CRMP1: variants seen among roughly 807,000 people sequenced by gnomAD.
CRMP1 encodes dihydropyrimidinase-related protein 1.
Under a neutral mutation model 68.3 loss-of-function variants are expected in CRMP1, and 19 were observed. The observed-to-expected ratio is 0.28, with a 90% CI of 0.19 to 0.41. The LOEUF (loss-of-function observed/expected upper bound fraction) is 0.41. CRMP1 is among the 10% of genes least tolerant of loss of function. The probability of loss-of-function intolerance (pLI) is 1.00; values close to 1 mark genes in which losing one functional copy is unlikely to be tolerated. For missense variants in CRMP1, 791 were observed against 967.4 expected (o/e 0.82, Z 2.42); for synonymous variants, 439 against 399.6 (o/e 1.10, Z -1.18).
intron 12 of CRMP1, chr4:5,828,101 G>A: frequency 1.0e-6 from 1 of 985,460 alleles, no homozygotes; most frequent in Non-Finnish European, 1.2e-6. Context: ...GGGTTTCTGA[G>A]CCGTGACTCT....
intron 1 of CRMP1, among the ~76,000 whole-genome samples, chr4:5,884,301 C>G (rs370942871): frequency 6.6e-6 from 1 of 152,144 alleles, no homozygotes; most frequent in Non-Finnish European, 1.5e-5. Flanking sequence ...TGCATACTTG[C>G]AAATTAGAGC....
intron 4 of CRMP1, among the ~76,000 whole-genome samples, chr4:5,851,857 A>G (rs375316806): frequency 0.025 from 3,712 of 146,860 alleles, 51 homozygotes; most frequent in South Asian, 0.039. Flanking sequence ...GAGGAGGAAG[A>G]GGAGCAGGAG....
intron 1 of CRMP1, among the ~76,000 whole-genome samples, chr4:5,875,250 A>G (rs1404001368): frequency 6.6e-6 from 1 of 152,170 alleles, no homozygotes; most frequent in Non-Finnish European, 1.5e-5. Flanking sequence ...ATGACAGTGA[A>G]TGTTCTGCAT....
chr4:5,885,613 C>A (rs1048658525), intron 1 of CRMP1, among the ~76,000 whole-genome samples: 1 of 152,190 alleles, frequency 6.6e-6, no homozygotes, highest in African/African-American at 2.4e-5. Context: ...CCCATGGGCT[C>A]CACAAAGAAC....
At chr4:5,823,266 T>C (rs1438947939) in intron 13 of CRMP1, among the ~76,000 whole-genome samples, 1 of 152,310 alleles carries the variant, frequency 6.6e-6, no homozygotes, top group East Asian at 1.9e-4. Flanking sequence ...CCACTAAGAA[T>C]TTGGTTCACA....
intron 11 of CRMP1, among the ~76,000 whole-genome samples, chr4:5,835,691 G>A (rs1720681741): frequency 6.6e-6 from 1 of 152,212 alleles, no homozygotes; most frequent in African/African-American, 2.4e-5. Context: ...AGAGAGAGGA[G>A]AGGAAGAGAG....
intron 10 of CRMP1, 21 bp from the exon 11 acceptor site, chr4:5,836,106 T>G (rs1185613297): frequency 6.9e-7 from 1 of 1,451,444 alleles, no homozygotes; most frequent in Non-Finnish European, 9.1e-7. Flanking sequence ...GACCCACAGA[T>G]GAGAAGAGCA....
At chr4:5,827,387 A>G (rs1719803415) in intron 12 of CRMP1, among the ~76,000 whole-genome samples, 1 of 152,076 alleles carries the variant, frequency 6.6e-6, no homozygotes, top group Admixed American at 6.5e-5. Context: ...TCCAGTGCAA[A>G]GCATCTGTGC....
chr4:5,888,205 C>T lies in CRMP1; in HGVS notation c.381+4384G>A, dbSNP rs766772679. 6.4e-6 allele frequency: 8 copies of T among 1,258,090 alleles called. No individual in the cohort carries two copies. In the East Asian group the frequency reaches 2.5e-4, roughly 39 times the overall value. 77.9% of individuals were successfully genotyped at this position (1,258,090 alleles called of 1,614,324 possible). ...CCAGCCCACAAAGGCCAGCGCGGGG[C>T]GGCGGGGGCGGGGGCCGCTTACCGT... On this transcript the variant is annotated intron_variant, in intron 1 of 13. Transcript: ENST00000324989. This position sits in a 1 kb window ranked among gnomAD's most constrained non-coding sequence, Gnocchi z 6.4.
chr4:5,833,827 G>C (rs771891226), intron 11 of CRMP1, among the ~76,000 whole-genome samples: 2 of 152,074 alleles, frequency 1.3e-5, no homozygotes, highest in African/African-American at 4.8e-5. Context: ...GGCGGATCAC[G>C]AGGTCAGGAG....
chr4:5,823,247 C>CTAT (rs1246203427), intron 13 of CRMP1, among the ~76,000 whole-genome samples: 1 of 152,204 alleles, frequency 6.6e-6, no homozygotes, highest in Non-Finnish European at 1.5e-5. Context: ...CATGATTTGT[C>CTAT]TATGTAAGCC....
Position 5,841,033 on chromosome 4 carries a change from T to C in CRMP1, c.1153+275A>G, listed in dbSNP as rs527844022. Among the ~76,000 whole-genome samples, 7 of 152,326 alleles carry C rather than the reference T, an allele frequency of 4.6e-5. No homozygotes were observed. The highest frequency in any genetic ancestry group is 3.9e-4 in the East Asian group (2 of 5,186). ...ATGCAAAATATTAATGATTTTTACATTGATGACATGCTGAATTAATATGTG... is the reference window on the plus strand; with the variant it reads ...ATGCAAAATATTAATGATTTTTACACTGATGACATGCTGAATTAATATGTG... On this transcript the variant is annotated intron_variant, in intron 8 of 13. Coordinates refer to ENST00000324989, the MANE Select transcript of CRMP1 (RefSeq NM_001014809.3). This position sits in a 1 kb window ranked among gnomAD's most constrained non-coding sequence, Gnocchi z 6.9.
chr4:5,888,279 C>T lies in CRMP1; in HGVS notation c.381+4310G>A. On this transcript the variant is annotated intron_variant, in intron 1 of 13. Transcript: ENST00000324989. The surrounding 1 kb of genome is among the most constrained non-coding windows in gnomAD (Gnocchi z 6.4). Reference sequence around the variant, plus strand: ...CCTGGTACGACATGGCCCCCTCTGGCGCCCTCGGCCCGGCCGCTGACCTGC... The same window carrying T: ...CCTGGTACGACATGGCCCCCTCTGGTGCCCTCGGCCCGGCCGCTGACCTGC... 1 of 1,271,338 alleles carries T rather than the reference C, an allele frequency of 7.9e-7. No individual in the cohort carries two copies. The highest frequency in any genetic ancestry group is 1.0e-6 in the Non-Finnish European group (1 of 1,002,022). 78.8% of individuals were successfully genotyped at this position (1,271,338 alleles called of 1,614,324 possible). A position where few individuals can be genotyped will look rare whatever the true frequency, so the allele number is the denominator to read the frequency against.
chr4:5,862,319 C>T (rs557053409), intron 2 of CRMP1, among the ~76,000 whole-genome samples: 62 of 147,906 alleles, frequency 4.2e-4, no homozygotes, highest in African/African-American at 1.6e-3. Context: ...ATCCCTTACC[C>T]CCAGAATGTC....
rs975528448 is a variant in CRMP1 at position 5,879,644 on chromosome 4, A to G, written c.382-12888T>C. Among the ~76,000 whole-genome samples the G allele has an allele frequency of 2.6e-5, 4 of 152,218 alleles. No individual in the cohort carries two copies. The highest frequency in any genetic ancestry group is 7.2e-5 in the African/African-American group (3 of 41,460). On this transcript the variant is annotated intron_variant, in intron 1 of 13. Coordinates refer to ENST00000324989, the MANE Select transcript of CRMP1 (RefSeq NM_001014809.3). The surrounding 1 kb of genome is among the most constrained non-coding windows in gnomAD (Gnocchi z 4.2). ...CACCCAATACACTGAACACTGTCCT[A>G]TGAAGTTTAACATTCTATGCCAAAT...
Position 5,839,503 on chromosome 4 carries a change from A to G in CRMP1, c.1310+19T>C, listed in dbSNP as rs748745809. ...GGCCCCAGCTGCCTCCCCCAGCCCC[A>G]CGTTCTCACAGGTCTCACCAGGCCA... On this transcript the variant is annotated intron_variant, in intron 9 of 13. Transcript: ENST00000324989. The G allele has an allele frequency of 2.1e-5, 34 of 1,594,852 alleles. No individual in the cohort carries two copies. In the South Asian group the frequency reaches 3.6e-4, roughly 17 times the overall value.
At chr4:5,882,914 C>A (rs183660733) in intron 1 of CRMP1, among the ~76,000 whole-genome samples, 1 of 152,344 alleles carries the variant, frequency 6.6e-6, no homozygotes, top group Non-Finnish European at 1.5e-5. Flanking sequence ...CCATTCATAT[C>A]TAAGACACAC....
At chr4:5,862,510 C>T (rs747689644) in intron 2 of CRMP1, among the ~76,000 whole-genome samples, 1 of 152,198 alleles carries the variant, frequency 6.6e-6, no homozygotes, top group Non-Finnish European at 1.5e-5. Flanking sequence ...AGACACTCGA[C>T]CCTTAACTTA....
intron 11 of CRMP1, among the ~76,000 whole-genome samples, chr4:5,831,669 C>T (rs1387610210): frequency 6.6e-6 from 1 of 152,286 alleles, no homozygotes; most frequent in South Asian, 2.1e-4. Flanking sequence ...GGGTGAGGAA[C>T]GTGCTGTGCT....
Sources: allele counts gnomAD v4.1 joint callset (sites outside exome capture counted in the v4.1 genomes callset), GRCh38; gene constraint gnomAD v4.1.1; non-coding constraint Gnocchi (gnomAD v3.1); transcripts MANE v1.5; gene names NCBI Gene and HGNC (gene_info 2026-07-23, HGNC 2026-07-21).